ABCG1: variants seen among roughly 807,000 people sequenced by gnomAD.
ABCG1 encodes ATP-binding cassette sub-family G member 1.
ABCG1 carries 29 observed loss-of-function variants against 69.2 expected under a neutral mutation model. That is an observed-to-expected ratio of 0.42 (90% CI 0.31 to 0.57). The LOEUF (loss-of-function observed/expected upper bound fraction) is 0.57, where lower values mean the gene tolerates loss of function less well. ABCG1 is among the 20% of genes least tolerant of loss of function. The pLI, the probability that ABCG1 is intolerant of heterozygous loss-of-function variation, is 0.15. For missense variants in ABCG1, 718 were observed against 898.1 expected (o/e 0.80, Z 2.56); for synonymous variants, 370 against 374.8 (o/e 0.99, Z 0.15).
chr21:42,217,218 A>G (rs1463158019), upstream of ABCG1, among the ~76,000 whole-genome samples: 3 of 152,194 alleles, frequency 2.0e-5, no homozygotes, highest in Non-Finnish European at 4.4e-5. Context: ...ATCTTCGGGC[A>G]GAGAACTGGG....
At chr21:42,289,975 G>T (rs1407498448) in intron 10 of ABCG1, 75 bp from the exon 11 acceptor site, 8 of 1,563,054 alleles carry the variant, frequency 5.1e-6, no homozygotes, top group Middle Eastern at 3.4e-4. Flanking sequence ...TGCTTCCAAA[G>T]GCCGCATCCG....
At position 42,297,229 on chromosome 21, in the gene ABCG1, G is replaced by A. The variant is rs965344498; in HGVS notation, c.*837G>A. Reference sequence around the variant, plus strand: ...CTTCTTATTTTAAGCGAAATATATTGTTTGTTTCTTCCTAACTTTCTGACT... The same window carrying A: ...CTTCTTATTTTAAGCGAAATATATTATTTGTTTCTTCCTAACTTTCTGACT... On this transcript the variant is annotated 3_prime_UTR_variant, in exon 15 of 15. Coordinates refer to ENST00000398449, the MANE Select transcript of ABCG1 (RefSeq NM_016818.3). 1.3e-5 allele frequency: 2 copies of A among 152,182 alleles called. No homozygotes were observed. The highest frequency in any genetic ancestry group is 2.9e-5 in the Non-Finnish European group (2 of 68,016). The allele number at this position is 152,182 out of a possible 1,614,324, so 9.4% of individuals were successfully genotyped here. A position where few individuals can be genotyped will look rare whatever the true frequency, so the allele number is the denominator to read the frequency against.
At position 42,267,306 on chromosome 21, in the gene ABCG1, T is replaced by C. The variant is rs138690065; in HGVS notation, c.287-3764T>C. On this transcript the variant is annotated intron_variant, in intron 2 of 14. Coordinates refer to ENST00000398449, the MANE Select transcript of ABCG1 (RefSeq NM_016818.3). The stretch of plus-strand genomic sequence containing the variant: ...GTTCTGTCTGGGTTCTGTCTAGGTC[T>C]AATCTGGGTTCTCTCTAGACCTGGT... Among the ~76,000 whole-genome samples, 10 of 152,184 alleles carry C rather than the reference T, an allele frequency of 6.6e-5. 1 individual carries two copies. Among genetic ancestry groups the C allele is most frequent in the Admixed American group, 5.9e-4 (9 of 15,292 alleles).
At chr21:42,220,355 T>C (rs969874593) in intron 1 of ABCG1, among the ~76,000 whole-genome samples, 1 of 152,064 alleles carries the variant, frequency 6.6e-6, no homozygotes, top group Non-Finnish European at 1.5e-5. Flanking sequence ...TTTAGCATCC[T>C]GTATTTGAAG....
chr21:42,260,088 G>A, intron 2 of ABCG1: 1 of 1,550,684 alleles, frequency 6.4e-7, no homozygotes, highest in Non-Finnish European at 8.7e-7. Flanking sequence ...AGCAGCTCAT[G>A]GGGCAGGAAG....
chr21:42,208,595 C>T (rs971391040), intron 2 of ABCG1, among the ~76,000 whole-genome samples: 7 of 152,156 alleles, frequency 4.6e-5, no homozygotes, highest in Non-Finnish European at 1.0e-4. Flanking sequence ...TAGCAGTGAA[C>T]GTGTGGAAAA....
chr21:42,223,485 CCCA>C lies in ABCG1; in HGVS notation c.43-2182_43-2180del, dbSNP rs1417398018. 3.9e-5 allele frequency among the ~76,000 whole-genome samples: 6 copies of C among 151,932 alleles called. No homozygotes were observed. In the South Asian group the frequency reaches 8.5e-4, roughly 21 times the overall value. The stretch of plus-strand genomic sequence containing the variant: ...CATAGGCACACATGGGGAAAAGGCA[CCCA>C]CCAAGAGTCCTCAAGGCGACGGCCC... On this transcript the variant is annotated intron_variant, in intron 1 of 14. Coordinates refer to ENST00000398449, the MANE Select transcript of ABCG1 (RefSeq NM_016818.3).
chr21:42,279,584 A>T (rs1273292779), intron 5 of ABCG1, among the ~76,000 whole-genome samples: 1 of 152,048 alleles, frequency 6.6e-6, no homozygotes, highest in African/African-American at 2.4e-5. Flanking sequence ...CCTGAACTGG[A>T]TGGTTTCTTT....
At chr21:42,237,006 T>C (rs1462697662) in intron 2 of ABCG1, among the ~76,000 whole-genome samples, 1 of 152,212 alleles carries the variant, frequency 6.6e-6, no homozygotes, top group East Asian at 1.9e-4. Flanking sequence ...GTGTCCTGAA[T>C]GGTGTGAGCA....
chr21:42,248,339 A>G (rs1183666470), intron 2 of ABCG1, among the ~76,000 whole-genome samples: 1 of 152,196 alleles, frequency 6.6e-6, no homozygotes, highest in Non-Finnish European at 1.5e-5. Context: ...TCCAGACAGC[A>G]GTGGTGGAGG....
rs530115450 is a variant in ABCG1, at chr21:42,225,980, T to C, written c.286+66T>C. The C allele has an allele frequency of 1.3e-5, 20 of 1,571,962 alleles. No individual in the cohort carries two copies. The East Asian group carries it at 4.5e-4, about 35-fold the overall frequency. On this transcript the variant is annotated intron_variant, in intron 2 of 14. Transcript: ENST00000398449. ...CCTCTGAAGGAGGCAACAGGTTGTT[T>C]GGGCAAAATCGGGGTCTGGAGGTTG... is the stretch of plus-strand genomic sequence containing the variant.
chr21:42,222,645 C>G (rs1451490841), intron 1 of ABCG1, among the ~76,000 whole-genome samples: 1 of 152,196 alleles, frequency 6.6e-6, no homozygotes, highest in Admixed American at 6.5e-5. Flanking sequence ...CCGATACCTC[C>G]TCCGAACTGG....
At chr21:42,272,206 G>A (rs998236031) in intron 3 of ABCG1, among the ~76,000 whole-genome samples, 1 of 152,244 alleles carries the variant, frequency 6.6e-6, no homozygotes, top group Admixed American at 6.5e-5. Context: ...GCCTGTGACA[G>A]TCACATCTAA....
chr21:42,274,021 G>A lies in ABCG1; in HGVS notation c.537+586G>A, dbSNP rs74755274. ...ATGGAGCTTCCCCCAGTGAAGCCAG[G>A]AGCCCAGGGTCACACGGCTGCTGAT... On this transcript the variant is annotated intron_variant, in intron 4 of 14. Transcript: ENST00000398449. Among the ~76,000 whole-genome samples the A allele has an allele frequency of 8.9e-4, 136 of 152,344 alleles. 3 individuals carry two copies. The East Asian group carries it at 0.025, about 28-fold the overall frequency.
chr21:42,256,578 A>T, intron 2 of ABCG1: 1 of 1,528,718 alleles, frequency 6.5e-7, no homozygotes, highest in Non-Finnish European at 8.9e-7. Context: ...ACACTGACCC[A>T]TGAAGAGAAA....
At chr21:42,220,294 C>CA (rs1174798032) in intron 1 of ABCG1, among the ~76,000 whole-genome samples, 2 of 152,228 alleles carry the variant, frequency 1.3e-5, no homozygotes, top group African/African-American at 2.4e-5. Flanking sequence ...TGTAAGCCCA[C>CA]AGTGCATGGC....
chr21:42,296,038 G>A lies in ABCG1; in HGVS notation c.1773-126G>A, dbSNP rs992236370. 1.4e-6 allele frequency: 1 copy of A among 721,266 alleles called. No individual in the cohort carries two copies. The highest frequency in any genetic ancestry group is 2.4e-6 in the Non-Finnish European group (1 of 409,904). The allele number at this position is 721,266 out of a possible 1,614,324, so 44.7% of individuals were successfully genotyped here. ...GCGGTGAGGAAGTATTCTGGGGAAG[G>A]CGGCCCTTTGGGAAGGGAGGATAGC... On this transcript the variant is annotated intron_variant, in intron 14 of 14. Coordinates refer to ENST00000398449, the MANE Select transcript of ABCG1 (RefSeq NM_016818.3). The surrounding 1 kb of genome is among the most constrained non-coding windows in gnomAD (Gnocchi z 5.4).
upstream of ABCG1, among the ~76,000 whole-genome samples, chr21:42,218,494 A>G (rs2067667456): frequency 6.6e-6 from 1 of 152,060 alleles, no homozygotes; most frequent in Non-Finnish European, 1.5e-5. Flanking sequence ...TTCGGGGGTG[A>G]ACAGAGGGCA....
At chr21:42,290,492 A>G (rs1417255343) in intron 11 of ABCG1, among the ~76,000 whole-genome samples, 1 of 152,196 alleles carries the variant, frequency 6.6e-6, no homozygotes, top group African/African-American at 2.4e-5. Flanking sequence ...AAGATTCACT[A>G]ATTAGGAGCC....
Sources: allele counts gnomAD v4.1 joint callset (sites outside exome capture counted in the v4.1 genomes callset), GRCh38; gene constraint gnomAD v4.1.1; non-coding constraint Gnocchi (gnomAD v3.1); transcripts MANE v1.5; gene names NCBI Gene and HGNC (gene_info 2026-07-23, HGNC 2026-07-21).